Variants in FIP1L1 observed in about 807,000 individuals in gnomAD.
The protein encoded by FIP1L1 is pre-mRNA 3'-end-processing factor FIP1.
Under a neutral mutation model 84.6 loss-of-function variants are expected in FIP1L1, and 21 were observed. The ratio of observed to expected loss-of-function variants is 0.25; its 90% CI spans 0.18 to 0.36. The LOEUF (loss-of-function observed/expected upper bound fraction) is 0.36, where lower values mean the gene tolerates loss of function less well. Among genes scored for constraint, FIP1L1 ranks in the 10% least tolerant of loss-of-function variants. The pLI is 1.00. For synonymous variants in FIP1L1, 263 were observed against 242.3 expected, an observed-to-expected ratio of 1.09 and a Z score of -0.80; for missense variants, 526 against 751.1, an observed-to-expected ratio of 0.70 and a Z score of 3.50.
Position 53,377,644 on chromosome 4 carries a change from C to G in FIP1L1, c.-195C>G. ...CGCCGCGCCGCTTGGGTCTCCTGCG[C>G]ATGCGCAGACGGACCTGCGCTGGAG... On this transcript the variant is annotated 5_prime_UTR_variant, in exon 1 of 18. Coordinates refer to ENST00000337488, the MANE Select transcript of FIP1L1 (RefSeq NM_030917.4). 1 of 483,550 alleles carries G rather than the reference C, an allele frequency of 2.1e-6. No homozygotes were observed. The highest frequency in any genetic ancestry group is 3.4e-5 in the East Asian group (1 of 29,220). The allele number at this position is 483,550 out of a possible 1,614,324, so 30.0% of individuals were successfully genotyped here. A position where few individuals can be genotyped will look rare whatever the true frequency, so the allele number is the denominator to read the frequency against.
Position 53,459,405 on chromosome 4 carries a change from C to A in FIP1L1, c.1741C>A (p.Pro581Thr). The change falls in exon 18 of 18, where the codon CCT becomes ACT. Residue 581 changes from proline (P) to threonine (T), a missense_variant. By Grantham distance (38) the Pro-to-Thr change is conservative. Around this residue, in one of 6 missense-constraint regions of FIP1L1, gnomAD observed 89 missense variants for 169.0 expected, o/e 0.53. Transcript: ENST00000337488. ...AGAAGGAAAAGAAGCGGGCAGTGAG[C>A]CTGCCCCTGAACAGGAGAGCACCGA... ...SKEGKEAGSEPAPEQESTEAT... is the reference protein window; with the variant it reads ...SKEGKEAGSETAPEQESTEAT... The A allele has an allele frequency of 6.2e-7, 1 of 1,611,946 alleles. No homozygotes were observed. The highest frequency in any genetic ancestry group is 8.5e-7 in the Non-Finnish European group (1 of 1,179,270).
chr4:53,383,677 A>G, intron 4 of FIP1L1, 96 bp from the exon 5 acceptor site: 1 of 1,249,706 alleles, frequency 8.0e-7, no homozygotes, highest in East Asian at 2.6e-5. Flanking sequence ...AGAAGAAAGA[A>G]AAAAAAAAAC....
At chr4:53,410,091 C>T (rs1756363437) in intron 10 of FIP1L1, among the ~76,000 whole-genome samples, 1 of 152,216 alleles carries the variant, frequency 6.6e-6, no homozygotes, top group African/African-American at 2.4e-5. Context: ...GTCGCTCACG[C>T]TGGGAGCTGT....
At chr4:53,440,778 T>C (rs573922020) in intron 13 of FIP1L1, 35 of 590,008 alleles carry the variant, frequency 5.9e-5, no homozygotes, top group South Asian at 5.2e-4. Flanking sequence ...GATTAAGATA[T>C]TTAGTTTTCT....
intron 10 of FIP1L1, among the ~76,000 whole-genome samples, chr4:53,413,676 A>G (rs1461961712): frequency 6.6e-6 from 1 of 152,124 alleles, no homozygotes; most frequent in Non-Finnish European, 1.5e-5. Flanking sequence ...AGGGTATATA[A>G]TTCAGATATT....
chr4:53,415,734 A>G (rs1264499576), intron 11 of FIP1L1, among the ~76,000 whole-genome samples: 2 of 152,154 alleles, frequency 1.3e-5, no homozygotes, highest in Admixed American at 1.3e-4. Flanking sequence ...TTTTCTATAC[A>G]GTCTTAATTA....
chr4:53,399,024 A>G (rs1748883679), intron 9 of FIP1L1, among the ~76,000 whole-genome samples: 1 of 152,036 alleles, frequency 6.6e-6, no homozygotes, highest in South Asian at 2.1e-4. Context: ...GGTGGTGCAC[A>G]CCTGTAATCC....
At chr4:53,422,264 A>G (rs890503458) in intron 11 of FIP1L1, among the ~76,000 whole-genome samples, 1 of 151,958 alleles carries the variant, frequency 6.6e-6, no homozygotes, top group Non-Finnish European at 1.5e-5. Context: ...ATAAAATTAC[A>G]TTTTATCTTA....
At chr4:53,413,476 C>G (rs1034952456) in intron 10 of FIP1L1, among the ~76,000 whole-genome samples, 6 of 152,000 alleles carry the variant, frequency 3.9e-5, no homozygotes, top group Non-Finnish European at 1.5e-5. Context: ...ATTTGAACAT[C>G]ACAGGATTCT....
rs537774028 is a variant in FIP1L1 at position 53,440,804 on chromosome 4, C to T, written c.1175-1849C>T. 2.0e-4 allele frequency: 103 copies of T among 519,278 alleles called. 2 individuals are homozygous for T. The highest frequency in any genetic ancestry group is 1.8e-3 in the South Asian group (82 of 44,366). 32.2% of individuals were successfully genotyped at this position (519,278 alleles called of 1,614,324 possible). A position where few individuals can be genotyped will look rare whatever the true frequency, so the allele number is the denominator to read the frequency against. ...TTAGTTTTCTTATACCTGTCTTACCCGTTTCTGTAGAAATAGAGATTCTGA... is the reference window on the plus strand; with the variant it reads ...TTAGTTTTCTTATACCTGTCTTACCTGTTTCTGTAGAAATAGAGATTCTGA... On this transcript the variant is annotated intron_variant, in intron 13 of 17. Coordinates refer to ENST00000337488, the MANE Select transcript of FIP1L1 (RefSeq NM_030917.4).
At chr4:53,412,388 TTTTC>T (rs1290350231) in intron 10 of FIP1L1, among the ~76,000 whole-genome samples, 1 of 152,110 alleles carries the variant, frequency 6.6e-6, no homozygotes, top group Non-Finnish European at 1.5e-5. Context: ...TATGGCAATG[TTTTC>T]TTTCTTCATG....
intron 11 of FIP1L1, among the ~76,000 whole-genome samples, chr4:53,421,393 C>T (rs1378816380): frequency 2.6e-5 from 4 of 152,126 alleles, no homozygotes; most frequent in Admixed American, 2.6e-4. Flanking sequence ...CATATCTACC[C>T]CTCTCCATCT....
intron 11 of FIP1L1, among the ~76,000 whole-genome samples, chr4:53,423,164 T>C (rs1763047512): frequency 6.6e-6 from 1 of 152,224 alleles, no homozygotes; most frequent in South Asian, 2.1e-4. Context: ...ACTTCAGAGA[T>C]ATTTTTATAT....
chr4:53,385,905 C>G (rs1028987696), intron 5 of FIP1L1, among the ~76,000 whole-genome samples: 2 of 152,022 alleles, frequency 1.3e-5, no homozygotes, highest in African/African-American at 4.8e-5. Flanking sequence ...CCCTTGAAAA[C>G]AAAGTCAGTG....
intron 6 of FIP1L1, 80 bp from the exon 7 acceptor site, chr4:53,390,441 G>A (rs553168623): frequency 6.2e-6 from 5 of 810,570 alleles, no homozygotes; most frequent in Admixed American, 2.2e-5. Context: ...GTAAAAAGGT[G>A]TTTATATTTT....
chr4:53,398,637 A>AT (rs145718465), intron 9 of FIP1L1, among the ~76,000 whole-genome samples: 31,944 of 152,136 alleles, frequency 0.21, 4,119 homozygotes, highest in Admixed American at 0.32. Context: ...GTGTGATATT[A>AT]TTTAAGTGTA....
intron 11 of FIP1L1, among the ~76,000 whole-genome samples, chr4:53,422,805 C>G (rs1036409393): frequency 6.6e-5 from 10 of 151,922 alleles, no homozygotes; most frequent in Admixed American, 5.9e-4. Flanking sequence ...TCCTTCATCT[C>G]CTGGACTCAA....
intron 10 of FIP1L1, among the ~76,000 whole-genome samples, chr4:53,401,020 C>A (rs138361327): frequency 3.4e-4 from 52 of 152,254 alleles, no homozygotes; most frequent in African/African-American, 1.2e-3. Context: ...GCTGGCTCTG[C>A]GGCTTACTAG....
At chr4:53,445,897 A>G (rs552926686) in intron 15 of FIP1L1, among the ~76,000 whole-genome samples, 1 of 152,290 alleles carries the variant, frequency 6.6e-6, no homozygotes, top group South Asian at 2.1e-4. Flanking sequence ...TTTTGGGGTG[A>G]CATATTCTGG....
Sources: allele counts gnomAD v4.1 joint callset (sites outside exome capture counted in the v4.1 genomes callset), GRCh38; gene constraint gnomAD v4.1.1; regional missense constraint gnomAD v4.1.1; transcripts MANE v1.5; gene names NCBI Gene and HGNC (gene_info 2026-07-23, HGNC 2026-07-21).